NPAS3: variants seen among roughly 807,000 people sequenced by gnomAD.
NPAS3 encodes neuronal PAS domain protein 3, also known as neuronal PAS domain-containing protein 3.
A neutral mutation model predicts 73.1 loss-of-function variants in NPAS3; 14 were observed. That is an observed-to-expected ratio of 0.19 (90% CI 0.13 to 0.30). NPAS3 has a LOEUF of 0.30. Ranked by LOEUF, NPAS3 falls within the 10% of genes least tolerant of loss-of-function variation. The pLI is 1.00. For synonymous variants in NPAS3, 620 were observed against 541.5 expected (o/e 1.14, Z -2.01); for missense variants, 1,096 against 1,250.0 (o/e 0.88, Z 1.86).
intron 6 of NPAS3, among the ~76,000 whole-genome samples, chr14:33,699,041 A>G (rs2060460555): frequency 1.3e-5 from 2 of 152,330 alleles, no homozygotes; most frequent in Non-Finnish European, 2.9e-5. Flanking sequence ...CTGCAGGGAC[A>G]CATAGGAAAC....
At chr14:33,294,955 G>A (rs780175873) in intron 3 of NPAS3, among the ~76,000 whole-genome samples, 10 of 152,160 alleles carry the variant, frequency 6.6e-5, no homozygotes, top group Non-Finnish European at 1.5e-4. Context: ...ATGTGATGCT[G>A]TGGTGTTCGG....
intron 9 of NPAS3, among the ~76,000 whole-genome samples, chr14:33,789,764 A>AT (rs370755127): frequency 0.31 from 46,286 of 147,662 alleles, 7,541 homozygotes; most frequent in African/African-American, 0.39. Context: ...AATTTTTTGT[A>AT]TTTTTTAGTA....
chr14:33,515,899 A>G (rs1301855237), intron 4 of NPAS3, among the ~76,000 whole-genome samples: 4 of 152,154 alleles, frequency 2.6e-5, no homozygotes, highest in Non-Finnish European at 5.9e-5. Flanking sequence ...TAGCATGTTA[A>G]GAACATTATT....
At chr14:33,663,665 G>C (rs139230487) in intron 5 of NPAS3, among the ~76,000 whole-genome samples, 2,091 of 152,196 alleles carry the variant, frequency 0.014, 67 homozygotes, top group Admixed American at 0.08. Flanking sequence ...CTATGAATCC[G>C]TCTGGTCCTG....
At chr14:33,084,032 A>C (rs2138744472) in intron 2 of NPAS3, among the ~76,000 whole-genome samples, 1 of 152,344 alleles carries the variant, frequency 6.6e-6, no homozygotes, top group East Asian at 1.9e-4. Context: ...TGTTTCCGTC[A>C]CCATGGCACT....
chr14:33,071,408 G>A (rs746471776), intron 2 of NPAS3, among the ~76,000 whole-genome samples: 3 of 152,052 alleles, frequency 2.0e-5, no homozygotes, highest in African/African-American at 4.8e-5. Flanking sequence ...ATTCCAAAAC[G>A]TTTTCATAAG....
rs147031623 is a variant in NPAS3 at position 33,027,493 on chromosome 14, G to T, written c.51-28412G>T. ...TTCATTTACTTAAACTACTTACTCA[G>T]ATTAGGTTAAGTTGGTATTTCTGTC... On this transcript the variant is annotated intron_variant, in intron 1 of 11. Transcript: ENST00000356141. Among the ~76,000 whole-genome samples, 592 of 152,208 alleles carry T rather than the reference G, an allele frequency of 3.9e-3. 4 individuals are homozygous for T. The highest frequency in any genetic ancestry group is 0.012 in the African/African-American group (493 of 41,546).
At chr14:33,681,401 C>T (rs1389158314) in intron 6 of NPAS3, among the ~76,000 whole-genome samples, 2 of 152,180 alleles carry the variant, frequency 1.3e-5, no homozygotes, top group Admixed American at 6.5e-5. Flanking sequence ...AGTCCCCAGA[C>T]AATGTGACTG....
intron 3 of NPAS3, among the ~76,000 whole-genome samples, chr14:33,217,656 C>T (rs1031875510): frequency 1.2e-4 from 18 of 151,986 alleles, no homozygotes. Context: ...TCATGGCTAC[C>T]AAAGTAGAAA....
chr14:33,644,375 A>T (rs570758792), intron 5 of NPAS3, among the ~76,000 whole-genome samples: 16 of 152,306 alleles, frequency 1.1e-4, no homozygotes, highest in Admixed American at 1.0e-3. Context: ...TTTGAACCCA[A>T]ACTTGAAGCG....
intron 5 of NPAS3, among the ~76,000 whole-genome samples, chr14:33,587,622 G>A (rs945022803): frequency 6.6e-6 from 1 of 152,126 alleles, no homozygotes; most frequent in Non-Finnish European, 1.5e-5. Flanking sequence ...GGCCATCAAA[G>A]AAACTCTGGT....
At chr14:33,409,716 G>T (rs77905344) in intron 4 of NPAS3, among the ~76,000 whole-genome samples, 11 of 152,240 alleles carry the variant, frequency 7.2e-5, no homozygotes, top group African/African-American at 2.6e-4. Flanking sequence ...GGGCCTTTAT[G>T]CTTTCTTCAA....
intron 2 of NPAS3, among the ~76,000 whole-genome samples, chr14:33,184,520 T>C (rs765510107): frequency 2.6e-5 from 4 of 152,262 alleles, no homozygotes; most frequent in Admixed American, 6.5e-5. Context: ...AAGGGTACAC[T>C]GTAGACAGAT....
intron 4 of NPAS3, among the ~76,000 whole-genome samples, chr14:33,431,313 C>CACTAAATACACTGAATA (rs1337776137): frequency 6.6e-6 from 1 of 152,128 alleles, no homozygotes; most frequent in Non-Finnish European, 1.5e-5. Flanking sequence ...TCACTGAATA[C>CACTAAATACACTGAATA]CAGGAGGTAG....
intron 8 of NPAS3, among the ~76,000 whole-genome samples, chr14:33,776,249 A>G (rs912408808): frequency 5.8e-4 from 88 of 152,242 alleles, no homozygotes; most frequent in Middle Eastern, 3.4e-3. Flanking sequence ...ACAGACATCA[A>G]ATCAGAGGAT....
chr14:33,152,565 G>A (rs543791820), intron 2 of NPAS3, among the ~76,000 whole-genome samples: 1 of 152,062 alleles, frequency 6.6e-6, no homozygotes, highest in South Asian at 2.1e-4. Context: ...GATTTGGAGG[G>A]GATTTAATTT....
chr14:33,025,127 T>C (rs1413302767), intron 1 of NPAS3, among the ~76,000 whole-genome samples: 1 of 152,208 alleles, frequency 6.6e-6, no homozygotes, highest in Non-Finnish European at 1.5e-5. Flanking sequence ...CAGAGGAGGC[T>C]GCTACTGCAC....
rs563415217 is a variant in NPAS3 at position 33,179,528 on chromosome 14, G to A, written c.141-35654G>A. On this transcript the variant is annotated intron_variant, in intron 2 of 11. Coordinates refer to ENST00000356141, the Ensembl canonical transcript of NPAS3. ...CTCATATTATCCTCATTTTACAAAT[G>A]AGGATATGGAAGCTTAGAGCTAGTA... is the stretch of plus-strand genomic sequence containing the variant. Among the ~76,000 whole-genome samples, 9 of 152,256 alleles carry A rather than the reference G, an allele frequency of 5.9e-5. 1 individual carries two copies. The highest frequency in any genetic ancestry group is 2.2e-4 in the African/African-American group (9 of 41,554).
chr14:33,539,953 T>C (rs767844084), intron 4 of NPAS3, among the ~76,000 whole-genome samples: 1 of 152,206 alleles, frequency 6.6e-6, no homozygotes, highest in Non-Finnish European at 1.5e-5. Flanking sequence ...ACAGAGAAAG[T>C]CTGCTGTTTC....
Sources: allele counts gnomAD v4.1 joint callset (sites outside exome capture counted in the v4.1 genomes callset), GRCh38; gene constraint gnomAD v4.1.1; transcripts MANE v1.5; gene names NCBI Gene and HGNC (gene_info 2026-07-23, HGNC 2026-07-21).